The following NDUFAF2 variants were observed in gnomAD, a reference collection of about 807,000 sequenced individuals.
NDUFAF2 encodes the protein NADH:ubiquinone oxidoreductase complex assembly factor 2.
NDUFAF2 carries 13 observed loss-of-function variants against 22.8 expected under a neutral mutation model. The observed-to-expected ratio is 0.57, with a 90% CI of 0.37 to 0.91. The LOEUF (loss-of-function observed/expected upper bound fraction) is 0.91. Among genes scored for constraint, NDUFAF2 ranks in the 40% least tolerant of loss-of-function variants. The probability of loss-of-function intolerance (pLI) is 0.01; values close to 1 mark genes in which losing one functional copy is unlikely to be tolerated. For synonymous variants in NDUFAF2, 53 were observed against 64.2 expected (o/e 0.83, Z 0.84); for missense variants, 162 against 195.2 (o/e 0.83, Z 1.01).
chr5:60,961,096 T>C (rs539874422), intron 1 of NDUFAF2, among the ~76,000 whole-genome samples: 3 of 152,130 alleles, frequency 2.0e-5, no homozygotes, highest in Admixed American at 2.0e-4. Flanking sequence ...TGGTGGTGAA[T>C]GAGAGAGAGG....
chr5:61,063,598 G>T (rs1752193172), intron 1 of NDUFAF2, among the ~76,000 whole-genome samples: 1 of 152,134 alleles, frequency 6.6e-6, no homozygotes, highest in Non-Finnish European at 1.5e-5. Context: ...TATCAAAAAT[G>T]TAAATTGGTG....
intron 1 of NDUFAF2, among the ~76,000 whole-genome samples, chr5:60,968,077 G>T (rs1286234331): frequency 6.6e-6 from 1 of 151,520 alleles, no homozygotes; most frequent in Admixed American, 6.6e-5. Context: ...TTAATTGTAT[G>T]TTTCTAGAAA....
chr5:61,090,087 A>G (rs1211851171), intron 2 of NDUFAF2, among the ~76,000 whole-genome samples: 1 of 152,114 alleles, frequency 6.6e-6, no homozygotes, highest in Non-Finnish European at 1.5e-5. Context: ...ACTCTAGAAT[A>G]CATGGTAATC....
At chr5:61,080,588 T>C (rs13357828) in intron 2 of NDUFAF2, among the ~76,000 whole-genome samples, 20,920 of 152,186 alleles carry the variant, frequency 0.14, 1,777 homozygotes, top group South Asian at 0.26. Flanking sequence ...GTTTTAATTT[T>C]TATGTCTCTA....
chr5:61,070,042 GT>G (rs2111727487), intron 1 of NDUFAF2, among the ~76,000 whole-genome samples: 1 of 151,974 alleles, frequency 6.6e-6, no homozygotes. Context: ...ACTGTGTACT[GT>G]TTTATTTAAT....
chr5:61,147,766 G>A (rs1278866434), intron 3 of NDUFAF2, among the ~76,000 whole-genome samples: 1 of 152,096 alleles, frequency 6.6e-6, no homozygotes, highest in African/African-American at 2.4e-5. Context: ...TAAATGGTAT[G>A]TGGCTAGTGC....
At chr5:60,976,874 G>T (rs1323659159) in intron 1 of NDUFAF2, among the ~76,000 whole-genome samples, 1 of 152,102 alleles carries the variant, frequency 6.6e-6, no homozygotes, top group Non-Finnish European at 1.5e-5. Context: ...GAAATGAGCA[G>T]TACATCAAAA....
intron 3 of NDUFAF2, among the ~76,000 whole-genome samples, chr5:61,121,765 T>C (rs999893763): frequency 1.3e-5 from 2 of 152,070 alleles, no homozygotes; most frequent in East Asian, 3.8e-4. Context: ...GAAAAAAACA[T>C]TCCCTCTAGG....
intron 1 of NDUFAF2, among the ~76,000 whole-genome samples, chr5:61,063,906 G>A (rs1752197365): frequency 6.6e-6 from 1 of 152,090 alleles, no homozygotes. Context: ...AAACTTGAAT[G>A]TAAATGGATT....
chr5:60,957,341 A>C (rs919545524), intron 1 of NDUFAF2, among the ~76,000 whole-genome samples: 2 of 152,186 alleles, frequency 1.3e-5, no homozygotes, highest in African/African-American at 4.8e-5. Context: ...TTCAGTATGT[A>C]TCTTTTAAAC....
chr5:61,129,535 T>A lies in NDUFAF2; in HGVS notation c.259-23169T>A, dbSNP rs370816080. 2.6e-5 allele frequency among the ~76,000 whole-genome samples: 4 copies of A among 150,944 alleles called. No individual in the cohort carries two copies. In the East Asian group the frequency reaches 7.8e-4, roughly 29 times the overall value. On this transcript the variant is annotated intron_variant, in intron 3 of 3. Coordinates refer to ENST00000296597, the MANE Select transcript of NDUFAF2 (RefSeq NM_174889.5). ...GAAGCCATCATTCTCAGCAAACTAT[T>A]GCAAGGACAAAAAACCAAACACCAC...
At chr5:61,124,995 T>C (rs1176510156) in intron 3 of NDUFAF2, among the ~76,000 whole-genome samples, 1 of 151,940 alleles carries the variant, frequency 6.6e-6, no homozygotes, top group African/African-American at 2.4e-5. Flanking sequence ...AGTACTATAC[T>C]TTTAAACCAC....
intron 2 of NDUFAF2, among the ~76,000 whole-genome samples, chr5:61,079,822 A>G (rs1752418374): frequency 6.6e-6 from 1 of 152,160 alleles, no homozygotes; most frequent in Admixed American, 6.5e-5. Context: ...TGGTCTCCCT[A>G]GACTCCCAGC....
intron 3 of NDUFAF2, among the ~76,000 whole-genome samples, chr5:61,129,976 C>G (rs1273696127): frequency 1.3e-5 from 2 of 152,020 alleles, no homozygotes; most frequent in Admixed American, 6.6e-5. Context: ...TCCTGCCACA[C>G]TTAAAAGATA....
intron 3 of NDUFAF2, among the ~76,000 whole-genome samples, chr5:61,142,046 T>C (rs1741067565): frequency 6.6e-6 from 1 of 152,198 alleles, no homozygotes; most frequent in Non-Finnish European, 1.5e-5. Context: ...GGATCTGACA[T>C]TGCTTTTTCT....
chr5:61,088,895 C>T (rs1278771485), intron 2 of NDUFAF2, among the ~76,000 whole-genome samples: 1 of 152,020 alleles, frequency 6.6e-6, no homozygotes, highest in Non-Finnish European at 1.5e-5. Flanking sequence ...ATTTCTAATG[C>T]AATATCTTTT....
chr5:60,985,407 T>C (rs10471266), intron 1 of NDUFAF2, among the ~76,000 whole-genome samples: 9,688 of 152,244 alleles, frequency 0.064, 1,017 homozygotes, highest in African/African-American at 0.22. Context: ...AGTTCTGCTC[T>C]GATCTTAGTT....
chr5:61,110,689 T>C (rs1752829072), intron 3 of NDUFAF2, among the ~76,000 whole-genome samples: 1 of 152,096 alleles, frequency 6.6e-6, no homozygotes, highest in African/African-American at 2.4e-5. Flanking sequence ...TCTTATTTTT[T>C]TGTATTTTGG....
At chr5:61,080,504 T>C (rs1257927986) in intron 2 of NDUFAF2, among the ~76,000 whole-genome samples, 1 of 152,186 alleles carries the variant, frequency 6.6e-6, no homozygotes, top group Admixed American at 6.5e-5. Flanking sequence ...TTCATCATCT[T>C]CTCCAGCCAT....
Sources: gnomAD v4.1 joint callset for allele counts (sites outside exome capture counted in the v4.1 genomes callset) on GRCh38, gnomAD v4.1.1 for gene constraint, MANE v1.5 for transcripts, NCBI Gene and HGNC (gene_info 2026-07-23, HGNC 2026-07-21) for gene names.